The following MYOM1 variants were observed in gnomAD, a reference collection of about 807,000 sequenced individuals.
MYOM1 encodes myomesin 1, also known as myomesin-1.
MYOM1 carries 164 observed loss-of-function variants against 205.3 expected under a neutral mutation model. That is an observed-to-expected ratio of 0.80 (90% confidence interval 0.70 to 0.91). The LOEUF (loss-of-function observed/expected upper bound fraction) is 0.91. Ranked by LOEUF, MYOM1 falls within the 40% of genes least tolerant of loss-of-function variation. MYOM1 has a pLI of 0.00. For missense variants in MYOM1, 2,011 were observed against 2,127.3 expected, an observed-to-expected ratio of 0.95 and a Z score of 1.08; for synonymous variants, 772 against 789.4, an observed-to-expected ratio of 0.98 and a Z score of 0.37.
intron 27 of MYOM1, 54 bp from the exon 28 acceptor site, chr18:3,089,650 C>A: frequency 7.1e-7 from 1 of 1,412,644 alleles, no homozygotes; most frequent in Non-Finnish European, 9.8e-7. Context: ...TATAAATGCA[C>A]ATGTCAGCCA....
At position 3,219,676 on chromosome 18, in the gene MYOM1, T is replaced by G. The variant is rs1212598904; in HGVS notation, c.-29+127A>C. On this transcript the variant is annotated intron_variant, in intron 1 of 37. Transcript: ENST00000356443. This position sits in a 1 kb window ranked among gnomAD's most constrained non-coding sequence, Gnocchi z 4.4. ...CCCTGGAGCTTCACTTTCCTATTTCTCTGTTATTCTGACATCTCTTTGAGA... is the reference window on the plus strand; with the variant it reads ...CCCTGGAGCTTCACTTTCCTATTTCGCTGTTATTCTGACATCTCTTTGAGA... The G allele has an allele frequency of 6.6e-6, 1 of 152,200 alleles. No homozygotes were observed. 9.4% of individuals were successfully genotyped at this position (152,200 alleles called of 1,614,324 possible). A position where few individuals can be genotyped will look rare whatever the true frequency, so the allele number is the denominator to read the frequency against.
intron 6 of MYOM1, among the ~76,000 whole-genome samples, chr18:3,175,500 C>T (rs533385000): frequency 3.7e-4 from 57 of 152,182 alleles, no homozygotes; most frequent in Non-Finnish European, 5.9e-4. Flanking sequence ...TAAGCTCAAA[C>T]ATCTCAATGT....
chr18:3,218,173 CA>C (rs1324632432), intron 1 of MYOM1, among the ~76,000 whole-genome samples: 1 of 152,156 alleles, frequency 6.6e-6, no homozygotes, highest in Non-Finnish European at 1.5e-5. Flanking sequence ...TCCACTGAAG[CA>C]GGCCTATCAG....
Position 3,129,250 on chromosome 18 carries a change from T to G in MYOM1, c.2776A>C (p.Lys926Gln), listed in dbSNP as rs1376554068. 5.0e-6 allele frequency: 8 copies of G among 1,613,466 alleles called. No individual in the cohort carries two copies. The highest frequency in any genetic ancestry group is 1.7e-5 in the Admixed American group (1 of 59,936). Residue 926 changes from lysine (K) to glutamine (Q), a missense_variant, in exon 18 of 38, where the codon AAA becomes CAA. Transcript: ENST00000356443. ...PQGKSKSDPL[K>Q]KKTDRAPPSP... is the part of the protein sequence containing the mutation. The stretch of plus-strand genomic sequence containing the variant: ...CTCTCACCTCTGTCTGTCTTCTTTT[T>G]CAGGGGGTCAGACTTACTTTTCCCC...
Position 3,094,215 on chromosome 18 carries a change from G to A in MYOM1, c.3819C>T (p.Ala1273=), listed in dbSNP as rs187236790. 5.6e-5 allele frequency: 90 copies of A among 1,613,934 alleles called. No individual in the cohort carries two copies. In the East Asian group the frequency reaches 1.3e-3, roughly 24 times the overall value. The change falls in exon 26 of 38, where the codon GCC becomes GCT. Residue 1273 remains alanine, a synonymous_variant. Transcript: ENST00000356443. ...WMQAEKLSGN[A]KVNYIFNEKE... ...TCTCGTTAAATATGTAGTTGACTTT[G>A]GCATTGCCAGACAGTTTCTCAGCCT...
chr18:3,187,829 G>A (rs998016387), intron 4 of MYOM1, among the ~76,000 whole-genome samples, 192 bp from the exon 5 acceptor site: 1 of 149,436 alleles, frequency 6.7e-6, no homozygotes, highest in Non-Finnish European at 1.5e-5. Context: ...AACATTCTAA[G>A]CTTAAGCAAC....
intron 30 of MYOM1, 39 bp from the exon 31 acceptor site, chr18:3,085,171 G>A: frequency 7.5e-7 from 1 of 1,334,656 alleles, no homozygotes; most frequent in South Asian, 1.3e-5. Flanking sequence ...ACCTTTCGTA[G>A]CCCCAGGGCA....
At chr18:3,145,569 G>A (rs1312499060) in intron 13 of MYOM1, among the ~76,000 whole-genome samples, 2 of 152,064 alleles carry the variant, frequency 1.3e-5, no homozygotes, top group Non-Finnish European at 2.9e-5. Flanking sequence ...AAATTGGAAA[G>A]TATTTTGCAC....
intron 5 of MYOM1, among the ~76,000 whole-genome samples, chr18:3,178,470 C>T (rs374213566): frequency 2.7e-4 from 41 of 152,178 alleles, no homozygotes; most frequent in Admixed American, 5.9e-4. Context: ...CTTGTGGACA[C>T]GATCATAAGG....
chr18:3,098,556 T>C (rs1456300347), intron 25 of MYOM1, among the ~76,000 whole-genome samples: 1 of 152,020 alleles, frequency 6.6e-6, no homozygotes, highest in Non-Finnish European at 1.5e-5. Context: ...GGATTACAGG[T>C]GTGAGCCACC....
chr18:3,147,748 G>A (rs1290277933), intron 13 of MYOM1, among the ~76,000 whole-genome samples: 2 of 152,120 alleles, frequency 1.3e-5, no homozygotes, highest in African/African-American at 2.4e-5. Flanking sequence ...GTTGGGTAAA[G>A]AACAATCTTT....
At chr18:3,176,170 A>G (rs1276517894) in intron 5 of MYOM1, 36 bp from the exon 6 acceptor site, 7 of 1,269,322 alleles carry the variant, frequency 5.5e-6, no homozygotes, top group Non-Finnish European at 8.0e-6. Flanking sequence ...AGTAAGTTGA[A>G]GTGTAAACAA....
chr18:3,169,379 C>T (rs911828498), intron 8 of MYOM1, among the ~76,000 whole-genome samples: 3 of 152,168 alleles, frequency 2.0e-5, no homozygotes, highest in East Asian at 1.9e-4. Context: ...ATAGCCATAT[C>T]CATTATTCAT....
chr18:3,129,317 A>G lies in MYOM1; in HGVS notation c.2709T>C (p.Val903=). 2 of 1,613,924 alleles carry G rather than the reference A, an allele frequency of 1.2e-6. No homozygotes were observed. Among genetic ancestry groups the G allele is most frequent in the Non-Finnish European group, 1.7e-6 (2 of 1,179,872 alleles). ...QTEVSKVSET[V]QEELTPPPQK... ...GTGGTGGCGGGGTAAGCTCTTCCTG[A>G]ACTGTTTCACTTACTTTACTCACTT... The change falls in exon 18 of 38, where the codon GTT becomes GTC. Residue 903 remains valine (V), a synonymous_variant. Coordinates refer to ENST00000356443, the MANE Select transcript of MYOM1 (RefSeq NM_003803.4).
At chr18:3,126,498 C>T (rs2079785576) in intron 19 of MYOM1, among the ~76,000 whole-genome samples, 1 of 152,040 alleles carries the variant, frequency 6.6e-6, no homozygotes, top group Non-Finnish European at 1.5e-5. Context: ...GTGTATGGAT[C>T]AGAAAATATA....
chr18:3,081,513 G>T (rs539785577), intron 33 of MYOM1, among the ~76,000 whole-genome samples: 6 of 152,270 alleles, frequency 3.9e-5, no homozygotes, highest in African/African-American at 1.4e-4. Flanking sequence ...ATGCTTTGCT[G>T]GCCTAATAGC....
intron 14 of MYOM1, among the ~76,000 whole-genome samples, chr18:3,141,529 C>T (rs1302084870): frequency 6.6e-6 from 1 of 152,204 alleles, no homozygotes; most frequent in Non-Finnish European, 1.5e-5. Flanking sequence ...TTACCCCCTC[C>T]CTTCTAGCCT....
At chr18:3,134,922 G>T in intron 15 of MYOM1, 98 bp from the exon 16 acceptor site, 2 of 1,201,956 alleles carry the variant, frequency 1.7e-6, no homozygotes, top group Non-Finnish European at 2.4e-6. Flanking sequence ...TACACACTTC[G>T]TCATGTCAAA....
At position 3,187,629 on chromosome 18, in the gene MYOM1, T is replaced by C. The variant is rs1464814878; in HGVS notation, c.780A>G (p.Glu260=). Residue 260 remains glutamate, a synonymous_variant, in exon 5 of 38, where the codon GAA becomes GAG. Coordinates refer to ENST00000356443, the MANE Select transcript of MYOM1 (RefSeq NM_003803.4). ...TCAGCTTGGCATGATATGTCTCGGT[T>C]TCTTCTAACTGAAAAAACAAATATG... ...ERLSLRKTLE[E]TETYHAKLNE... The C allele has an allele frequency of 6.3e-7, 1 of 1,595,706 alleles. No individual in the cohort carries two copies. Among genetic ancestry groups the C allele is most frequent in the Non-Finnish European group, 8.6e-7 (1 of 1,166,950 alleles).
Sources: allele counts gnomAD v4.1 joint callset (sites outside exome capture counted in the v4.1 genomes callset), GRCh38; gene constraint gnomAD v4.1.1; non-coding constraint Gnocchi (gnomAD v3.1); transcripts MANE v1.5; gene names NCBI Gene and HGNC (gene_info 2026-07-23, HGNC 2026-07-21).